Variants in KDM4C observed in about 807,000 individuals in gnomAD.
KDM4C encodes the protein lysine demethylase 4C.
KDM4C carries 81 observed loss-of-function variants against 129.3 expected under a neutral mutation model. The observed-to-expected ratio is 0.63, with a 90% CI of 0.52 to 0.75. The LOEUF is 0.75. KDM4C is among the 30% of genes least tolerant of loss of function. The probability of loss-of-function intolerance (pLI) is 0.00; values close to 1 mark genes in which losing one functional copy is unlikely to be tolerated. For missense variants in KDM4C, 1,457 were observed against 1,304.0 expected, an observed-to-expected ratio of 1.12 and a Z score of -1.81; for synonymous variants, 573 against 456.1, an observed-to-expected ratio of 1.26 and a Z score of -3.26.
chr9:6,891,617 A>C (rs1346065188), intron 7 of KDM4C, among the ~76,000 whole-genome samples: 1 of 152,158 alleles, frequency 6.6e-6, no homozygotes, highest in Non-Finnish European at 1.5e-5. Flanking sequence ...TATACTAAAA[A>C]CCAACAAATT....
At chr9:6,895,500 G>A (rs947442668) in intron 8 of KDM4C, among the ~76,000 whole-genome samples, 2 of 152,180 alleles carry the variant, frequency 1.3e-5, no homozygotes, top group African/African-American at 2.4e-5. Context: ...GCAAGATAGC[G>A]CATTCAAAGA....
intron 18 of KDM4C, among the ~76,000 whole-genome samples, chr9:7,122,265 A>ACACACACACACACACACACTCTCTCTCT (rs375655422): frequency 2.8e-5 from 4 of 144,712 alleles, no homozygotes; most frequent in African/African-American, 1.0e-4. Flanking sequence ...ACACACACAC[A>ACACACACACACACACACACTCTCTCTCT]CTCTCTCTCT....
Position 6,758,112 on chromosome 9 carries a change from C to G in KDM4C, c.-109C>G, listed in dbSNP as rs1818610837. Reference sequence around the variant, plus strand: ...AGCTGTCACCTAGTGCGGAACAAGTCTCCCAAATTTCCCAAATCTCCCTGG... The same window carrying G: ...AGCTGTCACCTAGTGCGGAACAAGTGTCCCAAATTTCCCAAATCTCCCTGG... On this transcript the variant is annotated 5_prime_UTR_variant, in exon 1 of 22. Transcript: ENST00000381309. This position sits in a 1 kb window ranked among gnomAD's most constrained non-coding sequence, Gnocchi z 4.6. 1 of 985,590 alleles carries G rather than the reference C, an allele frequency of 1.0e-6. No individual in the cohort carries two copies. The highest frequency in any genetic ancestry group is 4.7e-5 in the South Asian group (1 of 21,292). The allele number at this position is 985,590 out of a possible 1,614,324, so 61.1% of individuals were successfully genotyped here. A position where few individuals can be genotyped will look rare whatever the true frequency, so the allele number is the denominator to read the frequency against.
intron 11 of KDM4C, among the ~76,000 whole-genome samples, chr9:6,987,983 C>T (rs925562538): frequency 1.5e-4 from 22 of 150,824 alleles, no homozygotes; most frequent in Admixed American, 2.6e-4. Flanking sequence ...CATGGTCACA[C>T]CCTGTGTCTA....
intron 1 of KDM4C, among the ~76,000 whole-genome samples, chr9:6,736,855 C>G (rs796810297): frequency 1.1e-4 from 17 of 151,740 alleles, no homozygotes; most frequent in Admixed American, 5.3e-4. Context: ...GTTCAAGACC[C>G]GCCGGGCCAC....
chr9:6,813,679 T>A (rs1354968938), intron 3 of KDM4C, among the ~76,000 whole-genome samples: 1 of 152,314 alleles, frequency 6.6e-6, no homozygotes, highest in Middle Eastern at 3.4e-3. Flanking sequence ...GTGGTGAGAT[T>A]ATTGTTCAAA....
intron 4 of KDM4C, among the ~76,000 whole-genome samples, chr9:6,832,652 C>G (rs1336754682): frequency 6.6e-6 from 1 of 151,020 alleles, no homozygotes; most frequent in African/African-American, 2.4e-5. Context: ...GTCTCGATCT[C>G]CTGACCACGT....
intron 8 of KDM4C, among the ~76,000 whole-genome samples, chr9:6,920,744 T>C (rs2131198849): frequency 6.6e-6 from 1 of 152,250 alleles, no homozygotes; most frequent in African/African-American, 2.4e-5. Context: ...CTTACATTCT[T>C]GGTCTTGCAC....
chr9:6,941,990 C>T (rs933443339), intron 8 of KDM4C, among the ~76,000 whole-genome samples: 1 of 152,126 alleles, frequency 6.6e-6, no homozygotes, highest in Admixed American at 6.5e-5. Context: ...TATGGATTTA[C>T]ATGTTGTCTT....
intron 4 of KDM4C, among the ~76,000 whole-genome samples, chr9:6,829,828 C>A (rs148479143): frequency 6.6e-6 from 1 of 152,114 alleles, no homozygotes; most frequent in Non-Finnish European, 1.5e-5. Context: ...TATTGGAAGC[C>A]CAGTTCCTGC....
intron 12 of KDM4C, among the ~76,000 whole-genome samples, chr9:7,005,172 A>T (rs1212931997): frequency 6.6e-6 from 1 of 152,174 alleles, no homozygotes; most frequent in Non-Finnish European, 1.5e-5. Context: ...GCAGTGGCTC[A>T]CACCTGTAAT....
At chr9:6,848,587 C>T (rs773685238) in intron 4 of KDM4C, among the ~76,000 whole-genome samples, 4 of 151,948 alleles carry the variant, frequency 2.6e-5, no homozygotes, top group East Asian at 3.9e-4. Flanking sequence ...AAGAATTGCT[C>T]GAACCTGGGA....
chr9:7,079,851 T>C (rs534844022), intron 17 of KDM4C, among the ~76,000 whole-genome samples: 18 of 152,160 alleles, frequency 1.2e-4, no homozygotes, highest in Admixed American at 1.2e-3. Flanking sequence ...ACTTTTAACA[T>C]GTACTCTTTC....
rs1830624674 is a variant in KDM4C at position 6,808,835 on chromosome 9, T to C, written c.320+3061T>C. 2.0e-5 allele frequency among the ~76,000 whole-genome samples: 3 copies of C among 152,064 alleles called. No homozygotes were observed. The South Asian group carries it at 6.2e-4, about 32-fold the overall frequency. On this transcript the variant is annotated intron_variant, in intron 3 of 21. Coordinates refer to ENST00000381309, the MANE Select transcript of KDM4C (RefSeq NM_015061.6). ...TCTTGAAGGGAGGAGTGTCAATGAA[T>C]TTGTGGGCATATTTAAATGTTGTCA...
intron 17 of KDM4C, among the ~76,000 whole-genome samples, chr9:7,058,475 C>G (rs1384674634): frequency 6.6e-6 from 1 of 152,158 alleles, no homozygotes; most frequent in Non-Finnish European, 1.5e-5. Context: ...ATAATGTGAA[C>G]CAACTCTCAA....
Position 6,790,075 on chromosome 9 carries a change from G to C in KDM4C, c.-17-2897G>C, listed in dbSNP as rs1012332920. 3.7e-4 allele frequency among the ~76,000 whole-genome samples: 55 copies of C among 148,372 alleles called. 1 individual carries two copies. The highest frequency in any genetic ancestry group is 6.7e-4 in the Admixed American group (10 of 14,934). On this transcript the variant is annotated intron_variant, in intron 1 of 21. Coordinates refer to ENST00000381309, the MANE Select transcript of KDM4C (RefSeq NM_015061.6). ...GGATCGCCTGAGGTCAGGAGTTTGA[G>C]ATCAGCCTGGCCAACATGGCGAAAC... is the stretch of plus-strand genomic sequence containing the variant.
chr9:6,807,245 C>T (rs974948735), intron 3 of KDM4C, among the ~76,000 whole-genome samples: 4 of 152,196 alleles, frequency 2.6e-5, no homozygotes, highest in Non-Finnish European at 5.9e-5. Context: ...CTATAACCTC[C>T]CAGCCGCCTG....
intron 3 of KDM4C, among the ~76,000 whole-genome samples, chr9:6,807,851 A>C (rs1830348501): frequency 1.5e-5 from 2 of 135,790 alleles, no homozygotes; most frequent in Admixed American, 7.3e-5. Flanking sequence ...GTTGGGGGTC[A>C]GCCCCCCAAC....
chr9:6,782,683 G>C (rs1054117841), intron 1 of KDM4C, among the ~76,000 whole-genome samples: 1 of 152,134 alleles, frequency 6.6e-6, no homozygotes, highest in African/African-American at 2.4e-5. Context: ...TCTTTGAGGA[G>C]GGAGGGGAAA....
Sources: gnomAD v4.1 joint callset for allele counts (sites outside exome capture counted in the v4.1 genomes callset) on GRCh38, gnomAD v4.1.1 for gene constraint, Gnocchi (gnomAD v3.1) non-coding constraint, MANE v1.5 for transcripts, NCBI Gene and HGNC (gene_info 2026-07-23, HGNC 2026-07-21) for gene names.